ANKS1B: variants seen among roughly 807,000 people sequenced by gnomAD.
The protein encoded by ANKS1B is ankyrin repeat and sterile alpha motif domain-containing protein 1B.
In ANKS1B, 36 loss-of-function variants were observed where a neutral mutation model predicts 148.3. The ratio of observed to expected loss-of-function variants is 0.24; its 90% CI spans 0.19 to 0.32. The LOEUF (loss-of-function observed/expected upper bound fraction) is 0.32. Ranked by LOEUF, ANKS1B falls within the 10% of genes least tolerant of loss-of-function variation. The pLI is 1.00. For synonymous variants in ANKS1B, 542 were observed against 560.8 expected, an observed-to-expected ratio of 0.97 and a Z score of 0.47; for missense variants, 1,157 against 1,542.6, an observed-to-expected ratio of 0.75 and a Z score of 4.19.
intron 9 of ANKS1B, chr12:99,649,517 C>A: frequency 1.3e-6 from 1 of 745,524 alleles, no homozygotes. Flanking sequence ...ACAGTAAGCA[C>A]CACCACAGGT....
chr12:99,710,563 G>C (rs1312642067), intron 8 of ANKS1B, among the ~76,000 whole-genome samples: 1 of 152,024 alleles, frequency 6.6e-6, no homozygotes, highest in Non-Finnish European at 1.5e-5. Context: ...GAAGGACTGA[G>C]AGTCAATGTG....
intron 1 of ANKS1B, among the ~76,000 whole-genome samples, chr12:99,975,896 A>G (rs928772695): frequency 6.6e-6 from 1 of 152,218 alleles, no homozygotes; most frequent in Non-Finnish European, 1.5e-5. Context: ...AGACACATGC[A>G]TTCATGTTCA....
At chr12:99,041,305 G>C (rs1404870154) in intron 17 of ANKS1B, among the ~76,000 whole-genome samples, 1 of 152,120 alleles carries the variant, frequency 6.6e-6, no homozygotes, top group African/African-American at 2.4e-5. Context: ...AGCGAAGAGT[G>C]GATGTGCAAC....
Position 99,894,941 on chromosome 12 carries a change from T to C in ANKS1B, c.135-69552A>G, listed in dbSNP as rs1555231744. On this transcript the variant is annotated intron_variant, in intron 1 of 26. Transcript: ENST00000683438. ...TAGTCAGTAGGTTAGGTGTACTGAATGCATTTTTGAATTATGATGTTTTCA... is the reference window on the plus strand; with the variant it reads ...TAGTCAGTAGGTTAGGTGTACTGAACGCATTTTTGAATTATGATGTTTTCA... 1.3e-5 allele frequency among the ~76,000 whole-genome samples: 2 copies of C among 150,798 alleles called. 1 individual carries two copies. The highest frequency in any genetic ancestry group is 3.0e-5 in the Non-Finnish European group (2 of 67,452).
intron 1 of ANKS1B, among the ~76,000 whole-genome samples, chr12:99,930,424 T>C (rs912616012): frequency 2.0e-5 from 3 of 152,208 alleles, no homozygotes; most frequent in African/African-American, 7.2e-5. Context: ...TTTCTAGATA[T>C]ACAATCATGT....
intron 1 of ANKS1B, among the ~76,000 whole-genome samples, chr12:99,963,265 G>A (rs925298312): frequency 1.3e-5 from 2 of 152,092 alleles, no homozygotes; most frequent in African/African-American, 2.4e-5. Context: ...TTTGTCAGAT[G>A]GGTAGATTGC....
chr12:98,846,545 C>T (rs183465514), intron 17 of ANKS1B, among the ~76,000 whole-genome samples: 1 of 152,348 alleles, frequency 6.6e-6, no homozygotes, highest in Admixed American at 6.5e-5. Flanking sequence ...CCGAAAACCT[C>T]TTTTGTAAGC....
chr12:99,158,127 T>C (rs2076273727), intron 14 of ANKS1B, among the ~76,000 whole-genome samples: 2 of 152,202 alleles, frequency 1.3e-5, no homozygotes, highest in African/African-American at 4.8e-5. Context: ...TGCGGTTTTG[T>C]TGAAGTATTT....
At chr12:99,349,374 T>C (rs984160954) in intron 12 of ANKS1B, among the ~76,000 whole-genome samples, 2 of 152,002 alleles carry the variant, frequency 1.3e-5, no homozygotes, top group East Asian at 1.9e-4. Context: ...AAATGAATTA[T>C]ACTATCCAAT....
At chr12:99,292,566 T>G (rs2080171475) in intron 12 of ANKS1B, among the ~76,000 whole-genome samples, 1 of 149,324 alleles carries the variant, frequency 6.7e-6, no homozygotes, top group African/African-American at 2.4e-5. Context: ...GCAGGCAACC[T>G]ACAGAATGGG....
intron 12 of ANKS1B, among the ~76,000 whole-genome samples, chr12:99,339,251 C>T (rs1392557074): frequency 1.3e-5 from 2 of 152,132 alleles, no homozygotes; most frequent in African/African-American, 4.8e-5. Flanking sequence ...CTAAGTGCTC[C>T]CTCATAGGCT....
chr12:99,009,366 G>T (rs2099937968), intron 17 of ANKS1B, among the ~76,000 whole-genome samples: 1 of 152,168 alleles, frequency 6.6e-6, no homozygotes, highest in Non-Finnish European at 1.5e-5. Flanking sequence ...AGAGAGAAGG[G>T]ACTGGACAGA....
intron 12 of ANKS1B, among the ~76,000 whole-genome samples, chr12:99,252,245 G>A (rs140540233): frequency 1.9e-3 from 291 of 152,288 alleles, no homozygotes; most frequent in Non-Finnish European, 3.6e-3. Flanking sequence ...AGGCCAGTGT[G>A]GCTATAATAG....
Position 99,756,255 on chromosome 12 carries a change from C to T in ANKS1B, c.1128+16667G>A, listed in dbSNP as rs559224702. Among the ~76,000 whole-genome samples, 5 of 152,214 alleles carry T rather than the reference C, an allele frequency of 3.3e-5. No homozygotes were observed. The South Asian group carries it at 1.0e-3, about 32-fold the overall frequency. ...ACAACTTCAGCAAAGTCTCAAGATACAAAACCAATGTGCAAAAATAACTAG... is the reference window on the plus strand; with the variant it reads ...ACAACTTCAGCAAAGTCTCAAGATATAAAACCAATGTGCAAAAATAACTAG... On this transcript the variant is annotated intron_variant, in intron 8 of 26. Coordinates refer to ENST00000683438, the MANE Select transcript of ANKS1B (RefSeq NM_001352186.2).
intron 7 of ANKS1B, among the ~76,000 whole-genome samples, chr12:99,774,324 A>ACT (rs745839209): frequency 2.0e-5 from 3 of 152,096 alleles, no homozygotes; most frequent in Non-Finnish European, 4.4e-5. Context: ...TGGGCTAAGG[A>ACT]CTCGAATAGA....
chr12:99,955,492 CAAAAAAAAAAAAAAAAA>C (rs61654867), intron 1 of ANKS1B, among the ~76,000 whole-genome samples: 20 of 38,092 alleles, frequency 5.3e-4, no homozygotes, highest in African/African-American at 1.3e-3. Context: ...AACTCCGTCT[CAAAAAAAAAAAAAAAAA>C]AAAAAAAAAA....
chr12:99,250,688 T>C, intron 12 of ANKS1B, among the ~76,000 whole-genome samples: 1 of 112,778 alleles, frequency 8.9e-6, no homozygotes. Context: ...GAGGGTTTGA[T>C]ATATGAAAAT....
intron 10 of ANKS1B, among the ~76,000 whole-genome samples, chr12:99,485,409 T>A (rs1361562227): frequency 6.6e-6 from 1 of 152,146 alleles, no homozygotes; most frequent in African/African-American, 2.4e-5. Flanking sequence ...TACCTGATGT[T>A]TTTGTCTTAC....
intron 1 of ANKS1B, among the ~76,000 whole-genome samples, chr12:99,931,655 G>C (rs1041000818): frequency 6.6e-6 from 1 of 151,938 alleles, no homozygotes; most frequent in African/African-American, 2.4e-5. Flanking sequence ...TATTTTTATG[G>C]GTACATAGTG....
Sources: allele counts gnomAD v4.1 joint callset (sites outside exome capture counted in the v4.1 genomes callset), GRCh38; gene constraint gnomAD v4.1.1; transcripts MANE v1.5; gene names NCBI Gene and HGNC (gene_info 2026-07-23, HGNC 2026-07-21).